Variants in FANCM observed in about 807,000 individuals in gnomAD.
FANCM encodes the protein FA complementation group M, also known as Fanconi anemia group M protein.
A neutral mutation model predicts 199.5 loss-of-function variants in FANCM; 140 were observed. The observed-to-expected ratio is 0.70, with a 90% confidence interval of 0.61 to 0.81. The LOEUF is 0.81. Among genes scored for constraint, FANCM ranks in the 30% least tolerant of loss-of-function variants. The pLI is 0.00. For missense variants in FANCM, 2,410 were observed against 2,421.4 expected, an observed-to-expected ratio of 1.00 and a Z score of 0.10; for synonymous variants, 840 against 836.8, an observed-to-expected ratio of 1.00 and a Z score of -0.07.
intron 14 of FANCM, among the ~76,000 whole-genome samples, chr14:45,177,199 CATT>C (rs1888767652): frequency 6.7e-6 from 1 of 150,180 alleles, no homozygotes; most frequent in African/African-American, 2.5e-5. Flanking sequence ...TCTTGCTAGA[CATT>C]ATGAAATACA....
intron 2 of FANCM, chr14:45,137,484 C>A: frequency 2.0e-6 from 1 of 489,240 alleles, no homozygotes; most frequent in Non-Finnish European, 3.7e-6. Context: ...TTAAGACTAA[C>A]CAGATAATTA....
chr14:45,150,574 T>C lies in FANCM; in HGVS notation c.919-823T>C, dbSNP rs76518554. 9.1e-4 allele frequency among the ~76,000 whole-genome samples: 138 copies of C among 152,334 alleles called. 3 individuals carry two copies. The East Asian group carries it at 0.025, about 28-fold the overall frequency. The stretch of plus-strand genomic sequence containing the variant: ...AGCTCATTTCCGCCTCAGGACTTTT[T>C]GTTTGCTGTCTCCTCTCTCTGGAAT... On this transcript the variant is annotated intron_variant, in intron 4 of 22. Coordinates refer to ENST00000267430, the MANE Select transcript of FANCM (RefSeq NM_020937.4).
At chr14:45,171,180 C>T (rs1375860029) in intron 12 of FANCM, among the ~76,000 whole-genome samples, 1 of 150,914 alleles carries the variant, frequency 6.6e-6, no homozygotes, top group Non-Finnish European at 1.5e-5. Context: ...CTCTGTTGTC[C>T]AGGCTGGCCA....
intron 13 of FANCM, 98 bp downstream of exon 13, chr14:45,173,308 T>C: frequency 9.1e-7 from 1 of 1,098,666 alleles, no homozygotes; most frequent in South Asian, 1.3e-5. Context: ...AAATACTTTG[T>C]TTTTCTGTAT....
chr14:45,150,147 T>C (rs1443343838), intron 4 of FANCM, among the ~76,000 whole-genome samples: 1 of 152,258 alleles, frequency 6.6e-6, no homozygotes, highest in Admixed American at 6.5e-5. Flanking sequence ...AAAAGTTATC[T>C]GTCACTTAAT....
intron 2 of FANCM, among the ~76,000 whole-genome samples, chr14:45,138,810 A>G (rs1033425883): frequency 6.6e-6 from 1 of 152,214 alleles, no homozygotes; most frequent in Non-Finnish European, 1.5e-5. Flanking sequence ...CTTACACCGC[A>G]TTGAATATTC....
intron 12 of FANCM, among the ~76,000 whole-genome samples, chr14:45,171,454 G>A (rs1452180929): frequency 6.6e-6 from 1 of 151,830 alleles, no homozygotes; most frequent in Non-Finnish European, 1.5e-5. Context: ...CCAATGTATA[G>A]TCTTTTATCC....
chr14:45,195,580 A>G (rs1236250401), intron 20 of FANCM: 3 of 456,496 alleles, frequency 6.6e-6, no homozygotes, highest in Non-Finnish European at 1.3e-5. Context: ...TGGAAAGGAA[A>G]GCTGGGTATG....
At chr14:45,149,532 A>G (rs1251977119) in intron 4 of FANCM, among the ~76,000 whole-genome samples, 1 of 152,010 alleles carries the variant, frequency 6.6e-6, no homozygotes, top group Non-Finnish European at 1.5e-5. Context: ...ACATCTGGCT[A>G]ATTTTTATAT....
At chr14:45,177,666 A>G (rs968731811) in intron 14 of FANCM, among the ~76,000 whole-genome samples, 1 of 152,162 alleles carries the variant, frequency 6.6e-6, no homozygotes, top group African/African-American at 2.4e-5. Flanking sequence ...TGCTGGGATT[A>G]CATGTGTGAG....
intron 11 of FANCM, among the ~76,000 whole-genome samples, chr14:45,167,819 G>T (rs532266367): frequency 6.6e-6 from 1 of 152,110 alleles, no homozygotes; most frequent in African/African-American, 2.4e-5. Context: ...AAGGAACCTT[G>T]GGAGTCATGT....
intron 12 of FANCM, 86 bp downstream of exon 12, chr14:45,170,832 C>A: frequency 9.0e-7 from 1 of 1,115,714 alleles, no homozygotes; most frequent in Non-Finnish European, 1.4e-6. Context: ...AATGATCAAG[C>A]AATAGCTTTG....
Position 45,175,748 on chromosome 14 carries a change from T to C in FANCM, c.2994T>C (p.Pro998=). Residue 998 remains proline (P), a synonymous_variant, in exon 14 of 23, where the codon CCT becomes CCC. Coordinates refer to ENST00000267430, the MANE Select transcript of FANCM (RefSeq NM_020937.4). ...ANVERFLSYS[P]PPLSGLSDLE... ...TAGAGAGATTTTTATCTTATTCTCC[T>C]CCGCCTCTCAGTGGACTCTCAGACT... 1 of 1,613,750 alleles carries C rather than the reference T, an allele frequency of 6.2e-7. No individual in the cohort carries two copies. The highest frequency in any genetic ancestry group is 8.5e-7 in the Non-Finnish European group (1 of 1,179,806).
In FANCM at chr14:45,176,688, C is replaced by CT. The variant is rs1888728367; in HGVS notation, c.3935dup (p.Ser1313GlufsTer6). 1 of 1,613,658 alleles carries CT rather than the reference C, an allele frequency of 6.2e-7. No homozygotes were observed. The highest frequency in any genetic ancestry group is 1.1e-5 in the South Asian group (1 of 91,070). ...GAATCCAAATTATGTACATTTGCCA[C>CT]TGAGTGCAGCAAAAAATGAAGAATT... is the stretch of plus-strand genomic sequence containing the variant. On this transcript the variant is annotated frameshift_variant, in exon 14 of 23. Transcript: ENST00000267430. LOFTEE classifies it high-confidence loss of function.
intron 2 of FANCM, 118 bp downstream of exon 2, chr14:45,137,359 T>C: frequency 2.5e-6 from 2 of 795,788 alleles, no homozygotes; most frequent in Non-Finnish European, 2.1e-6. Flanking sequence ...CCTTTACGTC[T>C]ATTATCTCAG....
In FANCM at chr14:45,164,509, GGCCGTAA is replaced by G; in HGVS notation, c.1733_1739del (p.Gly578AspfsTer6). The G allele has an allele frequency of 6.2e-7, 1 of 1,613,654 alleles. No individual in the cohort carries two copies. The highest frequency in any genetic ancestry group is 8.5e-7 in the Non-Finnish European group (1 of 1,180,010). On this transcript the variant is annotated frameshift_variant, in exon 10 of 23. Transcript: ENST00000267430. LOFTEE classifies it high-confidence loss of function. Reference sequence around the variant, plus strand: ...TCTTGTACAACGAATGGGTAGAACTGGCCGTAAACGTCAAGGCAGGATAGTTATTATC... The same window carrying G: ...TCTTGTACAACGAATGGGTAGAACTGACGTCAAGGCAGGATAGTTATTATC...
intron 11 of FANCM, among the ~76,000 whole-genome samples, chr14:45,169,023 G>A (rs985111319): frequency 2.0e-5 from 3 of 151,894 alleles, no homozygotes; most frequent in African/African-American, 4.8e-5. Context: ...CCAGGTTCAA[G>A]CAATTCTCCT....
chr14:45,182,898 C>T (rs1889158089), intron 16 of FANCM, among the ~76,000 whole-genome samples: 2 of 152,124 alleles, frequency 1.3e-5, no homozygotes. Flanking sequence ...TAACACAAAG[C>T]TTATTTTATA....
Position 45,175,105 on chromosome 14 carries a change from A to G in FANCM, c.2351A>G (p.Tyr784Cys), listed in dbSNP as rs750041089. The change falls in exon 14 of 23, where the codon TAT (tyrosine) becomes TGT (cysteine). Residue 784 changes from tyrosine to cysteine, a missense_variant. Coordinates refer to ENST00000267430, the MANE Select transcript of FANCM (RefSeq NM_020937.4). The part of the protein sequence containing the change: ...ECSYELEVES[Y>C]LQMEDVTSTF... The stretch of plus-strand genomic sequence containing the variant: ...AGCTATGAATTGGAAGTTGAATCTT[A>G]TTTACAAATGGAAGATGTTACCTCA... 2 of 1,611,820 alleles carry G rather than the reference A, an allele frequency of 1.2e-6. No homozygotes were observed. The highest frequency in any genetic ancestry group is 2.2e-5 in the East Asian group (1 of 44,696).
Sources: allele counts gnomAD v4.1 joint callset (sites outside exome capture counted in the v4.1 genomes callset), GRCh38; gene constraint gnomAD v4.1.1; transcripts MANE v1.5; gene names NCBI Gene and HGNC (gene_info 2026-07-23, HGNC 2026-07-21).